Variants in RAB36 observed in about 807,000 individuals in gnomAD.
The protein encoded by RAB36 is ras-related protein Rab-36.
In RAB36, 33 loss-of-function variants were observed where a neutral mutation model predicts 39.3. The ratio of observed to expected loss-of-function variants is 0.84; its 90% CI spans 0.64 to 1.12. RAB36 has a LOEUF of 1.12. Among genes scored for constraint, RAB36 ranks in the 50% most tolerant of loss-of-function variants. The pLI, the probability that RAB36 is intolerant of heterozygous loss-of-function variation, is 0.00. For missense variants in RAB36, 308 were observed against 355.3 expected (o/e 0.87, Z 1.07); for synonymous variants, 133 against 140.2 (o/e 0.95, Z 0.36).
intron 9 of RAB36, 93 bp downstream of exon 9, chr22:23,159,346 C>T (rs1274314094): frequency 1.6e-6 from 2 of 1,246,754 alleles, no homozygotes; most frequent in African/African-American, 1.5e-5. Flanking sequence ...CCTCTGTAGC[C>T]AGTCGTCTGT....
rs762366634 is a variant in RAB36, at chr22:23,161,907, C to T, written c.*343C>T. 1.1e-4 allele frequency: 35 copies of T among 309,076 alleles called. No homozygotes were observed. The highest frequency in any genetic ancestry group is 1.9e-4 in the Non-Finnish European group (31 of 162,648). The allele number at this position is 309,076 out of a possible 1,614,324, so 19.1% of individuals were successfully genotyped here. A position where few individuals can be genotyped will look rare whatever the true frequency, so the allele number is the denominator to read the frequency against. ...GCCTCAGAACTGCAAACTCCTGCGTCGGTCTATACTACTCGGCCATGGCCC... is the reference window on the plus strand; with the variant it reads ...GCCTCAGAACTGCAAACTCCTGCGTTGGTCTATACTACTCGGCCATGGCCC... On this transcript the variant is annotated 3_prime_UTR_variant, in exon 11 of 11. Transcript: ENST00000263116.
intron 2 of RAB36, among the ~76,000 whole-genome samples, chr22:23,149,751 C>T (rs2070996131): frequency 6.6e-6 from 1 of 152,332 alleles, no homozygotes; most frequent in African/African-American, 2.4e-5. Flanking sequence ...ACTCGTCTCG[C>T]CCTGAGAGGG....
At position 23,145,524 on chromosome 22, in the gene RAB36, G is replaced by T. The variant is rs139746925; in HGVS notation, c.-40G>T. 6.0e-4 allele frequency: 960 copies of T among 1,603,770 alleles called. 8 individuals are homozygous for T. In the African/African-American group the frequency reaches 8.9e-3, roughly 15 times the overall value. On this transcript the variant is annotated 5_prime_UTR_variant, in exon 1 of 11. Transcript: ENST00000263116. ...CTGGCTCAGGCGGACCAGGCCGCGC[G>T]GAGCCCCAGCTTTCACAGCCATCGC...
intron 10 of RAB36, 106 bp downstream of exon 10, chr22:23,161,104 C>T (rs2071760057): frequency 1.5e-6 from 2 of 1,372,464 alleles, no homozygotes; most frequent in Non-Finnish European, 2.0e-6. Context: ...GAACTTGTGG[C>T]CCTCTCCTGT....
intron 1 of RAB36, chr22:23,146,025 A>G: frequency 1.0e-6 from 1 of 984,928 alleles, no homozygotes; most frequent in Non-Finnish European, 1.2e-6. Flanking sequence ...CTCACAGCCC[A>G]GTAAGGTAAG....
At chr22:23,157,459 C>T (rs745433655) in intron 6 of RAB36, among the ~76,000 whole-genome samples, 25 of 152,102 alleles carry the variant, frequency 1.6e-4, no homozygotes, top group Admixed American at 4.6e-4. Context: ...CGGGGTTTCA[C>T]TGTGTTAGCC....
At chr22:23,155,037 A>G (rs1303353119) in intron 5 of RAB36, among the ~76,000 whole-genome samples, 1 of 152,156 alleles carries the variant, frequency 6.6e-6, no homozygotes, top group Non-Finnish European at 1.5e-5. Flanking sequence ...AGGCAGGAGA[A>G]TTGCTTGAAC....
chr22:23,145,991 T>C, intron 1 of RAB36: 1 of 985,272 alleles, frequency 1.0e-6, no homozygotes, highest in Non-Finnish European at 1.2e-6. Flanking sequence ...CCACTCTACT[T>C]CCACTGCCTG....
At chr22:23,147,065 C>A (rs895727565) in intron 2 of RAB36, among the ~76,000 whole-genome samples, 1 of 152,146 alleles carries the variant, frequency 6.6e-6, no homozygotes, top group Non-Finnish European at 1.5e-5. Flanking sequence ...TGCAGGAGCT[C>A]CCCTGCAGTC....
chr22:23,161,707 A>AC lies in RAB36; in HGVS notation c.*145dup. ...CATGTTCCAGTCCCTCCACCCACCCACCGGGCTCAGCTCCAGGGCACAGTC... is the reference window on the plus strand; with the variant it reads ...CATGTTCCAGTCCCTCCACCCACCCACCCGGGCTCAGCTCCAGGGCACAGTC... On this transcript the variant is annotated 3_prime_UTR_variant, in exon 11 of 11. Transcript: ENST00000263116. 1.4e-6 allele frequency: 1 copy of AC among 705,646 alleles called. No individual in the cohort carries two copies. The highest frequency in any genetic ancestry group is 1.9e-5 in the South Asian group (1 of 53,530). 43.7% of individuals were successfully genotyped at this position (705,646 alleles called of 1,614,324 possible). A position where few individuals can be genotyped will look rare whatever the true frequency, so the allele number is the denominator to read the frequency against.
At chr22:23,151,893 G>T (rs2146521551) in intron 3 of RAB36, among the ~76,000 whole-genome samples, 1 of 152,320 alleles carries the variant, frequency 6.6e-6, no homozygotes, top group East Asian at 1.9e-4. Flanking sequence ...TGTTCGGGGT[G>T]TGCCCCTTGG....
At chr22:23,154,952 C>A (rs1407452945) in intron 5 of RAB36, among the ~76,000 whole-genome samples, 1 of 151,934 alleles carries the variant, frequency 6.6e-6, no homozygotes, top group Admixed American at 6.6e-5. Context: ...ATGGAGAAAC[C>A]CCATCTCTAC....
intron 5 of RAB36, among the ~76,000 whole-genome samples, chr22:23,155,244 A>G (rs1435502788): frequency 6.6e-6 from 1 of 152,192 alleles, no homozygotes; most frequent in East Asian, 1.9e-4. Flanking sequence ...ATTGGGGAAC[A>G]ATTTTCCGAC....
At position 23,162,912 on chromosome 22, in the gene RAB36, G is replaced by T. The variant is rs2071890496; in HGVS notation, c.*1348G>T. The T allele has an allele frequency of 3.2e-6, 1 of 316,078 alleles. No individual in the cohort carries two copies. The highest frequency in any genetic ancestry group is 4.4e-5 in the Admixed American group (1 of 22,924). 19.6% of individuals were successfully genotyped at this position (316,078 alleles called of 1,614,324 possible). On this transcript the variant is annotated 3_prime_UTR_variant, in exon 11 of 11. Transcript: ENST00000263116. ...ATTTTTTGTAGTTTTTTATATAAAT[G>T]ACTTTTTTTTTTTTTTGAGATGGAG...
At position 23,165,536 on chromosome 22, in the gene RAB36, A is replaced by G. The variant is rs952018429; in HGVS notation, c.*3972A>G. Reference sequence around the variant, plus strand: ...TCGGGAAGGACACTTCATGCCAGCTAGAGAGGCTCTGGGCACAGGAAAGAA... The same window carrying G: ...TCGGGAAGGACACTTCATGCCAGCTGGAGAGGCTCTGGGCACAGGAAAGAA... On this transcript the variant is annotated 3_prime_UTR_variant, in exon 11 of 11. Coordinates refer to ENST00000263116, the MANE Select transcript of RAB36 (RefSeq NM_004914.5). 6.6e-6 allele frequency among the ~76,000 whole-genome samples: 1 copy of G among 152,384 alleles called. No individual in the cohort carries two copies. Among genetic ancestry groups the G allele is most frequent in the African/African-American group, 2.4e-5 (1 of 41,598 alleles).
intron 6 of RAB36, 73 bp downstream of exon 6, chr22:23,156,105 C>A (rs1484728343): frequency 2.3e-6 from 3 of 1,295,744 alleles, no homozygotes; most frequent in Admixed American, 4.5e-5. Context: ...CAGTGGGAAT[C>A]CCGAGTTCTC....
At chr22:23,168,509 CAG>C (rs1491306906), downstream of RAB36, among the ~76,000 whole-genome samples, 1 of 150,884 alleles carries the variant, frequency 6.6e-6, no homozygotes, top group African/African-American at 2.4e-5. Context: ...CACACACACA[CAG>C]ACACCTGCCG....
rs550710742 is a variant in RAB36, at chr22:23,158,044, G to C, written c.446+1G>C. 3 of 1,614,160 alleles carry C rather than the reference G, an allele frequency of 1.9e-6. No homozygotes were observed. The highest frequency in any genetic ancestry group is 2.7e-5 in the African/African-American group (2 of 75,056). Reference sequence around the variant, plus strand: ...ACGTGCAGACCCTGGAGCATACCAGGTAAGTCTGGGCTCTCTGGCCCCTGC... The same window carrying C: ...ACGTGCAGACCCTGGAGCATACCAGCTAAGTCTGGGCTCTCTGGCCCCTGC... On this transcript the variant is annotated splice_donor_variant, in intron 7 of 10. Coordinates refer to ENST00000263116, the MANE Select transcript of RAB36 (RefSeq NM_004914.5). LOFTEE classifies it high-confidence loss of function.
intron 3 of RAB36, among the ~76,000 whole-genome samples, chr22:23,150,854 TG>T (rs1986689103): frequency 6.6e-6 from 1 of 152,162 alleles, no homozygotes; most frequent in Non-Finnish European, 1.5e-5. Flanking sequence ...GTACCCCTCC[TG>T]GGTGCTCTTG....
Sources: allele counts gnomAD v4.1 joint callset (sites outside exome capture counted in the v4.1 genomes callset), GRCh38; gene constraint gnomAD v4.1.1; transcripts MANE v1.5; gene names NCBI Gene and HGNC (gene_info 2026-07-23, HGNC 2026-07-21).